Variants in APBB1IP observed in about 807,000 individuals in gnomAD.
APBB1IP encodes the protein amyloid beta A4 precursor protein-binding family B member 1-interacting protein.
Under a neutral mutation model 64.9 loss-of-function variants are expected in APBB1IP, and 27 were observed. The observed-to-expected ratio is 0.42, with a 90% confidence interval of 0.31 to 0.57. APBB1IP has a LOEUF of 0.57. APBB1IP is among the 20% of genes least tolerant of loss of function. The pLI, the probability that APBB1IP is intolerant of heterozygous loss-of-function variation, is 0.20. For missense variants in APBB1IP, 812 were observed against 845.5 expected (o/e 0.96, Z 0.49); for synonymous variants, 392 against 331.0 (o/e 1.18, Z -2.00).
At chr10:26,557,644 T>C (rs2132481355) in intron 11 of APBB1IP, among the ~76,000 whole-genome samples, 1 of 152,280 alleles carries the variant, frequency 6.6e-6, no homozygotes, top group Non-Finnish European at 1.5e-5. Flanking sequence ...GAGGAATATA[T>C]AGTAACCTCT....
At chr10:26,447,030 G>A (rs956042690) in intron 2 of APBB1IP, among the ~76,000 whole-genome samples, 15 of 152,148 alleles carry the variant, frequency 9.9e-5, no homozygotes, top group Admixed American at 6.5e-5. Flanking sequence ...TTATAGGACA[G>A]ATATTATGGG....
chr10:26,517,299 A>G (rs1347444270), intron 8 of APBB1IP, among the ~76,000 whole-genome samples: 1 of 152,238 alleles, frequency 6.6e-6, no homozygotes, highest in Non-Finnish European at 1.5e-5. Context: ...AAGATAACAG[A>G]GCATTCAGGG....
At chr10:26,503,048 A>G in intron 5 of APBB1IP, 149 bp from the exon 6 acceptor site, 2 of 683,836 alleles carry the variant, frequency 2.9e-6, no homozygotes, top group Non-Finnish European at 2.4e-6. Flanking sequence ...ATGCCTTTAA[A>G]AAGTAATTAA....
chr10:26,509,542 A>G (rs1836226378), intron 6 of APBB1IP: 1 of 152,184 alleles, frequency 6.6e-6, no homozygotes, highest in South Asian at 2.1e-4. Context: ...TACAGGAACT[A>G]CACTCTTCAA....
chr10:26,554,868 C>T (rs188987549), intron 11 of APBB1IP, among the ~76,000 whole-genome samples: 382 of 152,178 alleles, frequency 2.5e-3, no homozygotes, highest in Non-Finnish European at 4.6e-3. Context: ...CAGGTGTGAG[C>T]GACCACACCC....
In APBB1IP at chr10:26,560,118, A is replaced by G; in HGVS notation, c.1169A>G (p.Gln390Arg). The change falls in exon 12 of 15, where the codon CAG becomes CGG. Residue 390 changes from glutamine to arginine, a missense_variant. By Grantham distance (43) the Gln-to-Arg change is conservative. Around this residue, in one of 3 missense-constraint regions of APBB1IP, gnomAD observed 37 missense variants for 80.4 expected, o/e 0.46. Transcript: ENST00000376236. ...YCFVLKHPQIQKESQYIKYLC... is the reference protein window; with the variant it reads ...YCFVLKHPQIRKESQYIKYLC... ...GCTTCTTTCTAGCACCCCCAAATTC[A>G]GAAGGAGTCCCAGTATATCAAGTAT... is the stretch of plus-strand genomic sequence containing the variant. 1 of 1,614,180 alleles carries G rather than the reference A, an allele frequency of 6.2e-7. No individual in the cohort carries two copies. Among genetic ancestry groups the G allele is most frequent in the Non-Finnish European group, 8.5e-7 (1 of 1,180,000 alleles).
chr10:26,475,747 A>G (rs1835767966), intron 2 of APBB1IP, among the ~76,000 whole-genome samples: 1 of 152,182 alleles, frequency 6.6e-6, no homozygotes, highest in Non-Finnish European at 1.5e-5. Flanking sequence ...TCAGCAGTAC[A>G]CAGGAGAGAT....
chr10:26,462,348 T>C (rs1048739872), intron 2 of APBB1IP, among the ~76,000 whole-genome samples: 1 of 152,202 alleles, frequency 6.6e-6, no homozygotes. Flanking sequence ...TTTTGGTGTT[T>C]TACAGTTAGA....
chr10:26,550,098 G>A (rs1202508863), intron 11 of APBB1IP, among the ~76,000 whole-genome samples: 1 of 151,418 alleles, frequency 6.6e-6, no homozygotes, highest in Non-Finnish European at 1.5e-5. Flanking sequence ...TGGCCTGCAA[G>A]GTTTCTGCTA....
chr10:26,501,179 G>C (rs1836094699), intron 5 of APBB1IP, 68 bp downstream of exon 5: 1 of 1,596,408 alleles, frequency 6.3e-7, no homozygotes, highest in Non-Finnish European at 8.6e-7. Flanking sequence ...GTTCCTTGAA[G>C]TGATCATTAC....
At chr10:26,446,274 CATT>C (rs1688288520) in intron 2 of APBB1IP, among the ~76,000 whole-genome samples, 1 of 152,182 alleles carries the variant, frequency 6.6e-6, no homozygotes, top group Non-Finnish European at 1.5e-5. Context: ...GCAATGAACT[CATT>C]AGGTTTTGGA....
chr10:26,492,832 C>A (rs557847321), intron 3 of APBB1IP, among the ~76,000 whole-genome samples: 1 of 152,258 alleles, frequency 6.6e-6, no homozygotes, highest in African/African-American at 2.4e-5. Flanking sequence ...AAGTTCCATG[C>A]CCCGCTGTGC....
chr10:26,487,746 G>A (rs1460258641), intron 2 of APBB1IP, among the ~76,000 whole-genome samples: 3 of 152,140 alleles, frequency 2.0e-5, no homozygotes, highest in Non-Finnish European at 4.4e-5. Context: ...AGAAACGAAG[G>A]CCTTTGGGTT....
At chr10:26,489,999 TGG>T (rs907385191) in intron 2 of APBB1IP, among the ~76,000 whole-genome samples, 87 of 152,270 alleles carry the variant, frequency 5.7e-4, no homozygotes, top group African/African-American at 2.1e-3. Context: ...CACTCCAGCC[TGG>T]GAGACAGAGT....
At chr10:26,501,491 A>G (rs1225094780) in intron 5 of APBB1IP, 1 of 331,666 alleles carries the variant, frequency 3.0e-6, no homozygotes, top group African/African-American at 2.1e-5. Flanking sequence ...GGCATTCATT[A>G]TACATTTTCT....
At chr10:26,473,247 T>C (rs961176189) in intron 2 of APBB1IP, among the ~76,000 whole-genome samples, 1 of 152,246 alleles carries the variant, frequency 6.6e-6, no homozygotes, top group African/African-American at 2.4e-5. Context: ...GTTTAACAAC[T>C]TCTCTTGAAT....
chr10:26,498,088 T>C (rs1301671781), intron 4 of APBB1IP, among the ~76,000 whole-genome samples: 1 of 152,172 alleles, frequency 6.6e-6, no homozygotes, highest in Non-Finnish European at 1.5e-5. Context: ...TGCCAGTGAC[T>C]CTTTCTTGAT....
chr10:26,447,031 ATAT>A (rs1407500922), intron 2 of APBB1IP, among the ~76,000 whole-genome samples: 3 of 152,102 alleles, frequency 2.0e-5, no homozygotes, highest in Non-Finnish European at 4.4e-5. Context: ...TATAGGACAG[ATAT>A]TATGGGGGGA....
chr10:26,536,593 C>CTTTTTTTTTTTTT (rs58921295), intron 10 of APBB1IP, among the ~76,000 whole-genome samples: 1 of 143,414 alleles, frequency 7.0e-6, no homozygotes. Flanking sequence ...GATTTTCTTT[C>CTTTTTTTTTTTTT]TTTTTTTTTT....
Sources: gnomAD v4.1 joint callset for allele counts (sites outside exome capture counted in the v4.1 genomes callset) on GRCh38, gnomAD v4.1.1 for gene constraint, gnomAD v4.1.1 regional missense constraint, MANE v1.5 for transcripts, NCBI Gene and HGNC (gene_info 2026-07-23, HGNC 2026-07-21) for gene names.